The following PTPRN2 variants were observed in gnomAD, a reference collection of about 807,000 sequenced individuals.
The protein encoded by PTPRN2 is protein tyrosine phosphatase receptor type N2, also known as receptor-type tyrosine-protein phosphatase N2.
PTPRN2 carries 74 observed loss-of-function variants against 118.8 expected under a neutral mutation model. That is an observed-to-expected ratio of 0.62 (90% CI 0.52 to 0.76). PTPRN2 has a LOEUF of 0.76. Ranked by LOEUF, PTPRN2 falls within the 30% of genes least tolerant of loss-of-function variation. The probability of loss-of-function intolerance (pLI) is 0.00; values close to 1 mark genes in which losing one functional copy is unlikely to be tolerated. For synonymous variants in PTPRN2, 641 were observed against 608.0 expected (o/e 1.05, Z -0.80); for missense variants, 1,481 against 1,394.4 (o/e 1.06, Z -0.99).
chr7:157,910,705 C>CGTGTGTGTGTGT (rs34091528), intron 11 of PTPRN2, among the ~76,000 whole-genome samples: 1 of 151,170 alleles, frequency 6.6e-6, no homozygotes, highest in African/African-American at 2.4e-5. Flanking sequence ...CGGCAGGGCA[C>CGTGTGTGTGTGT]GTGTGTGTGT....
At position 158,344,287 on chromosome 7, in the gene PTPRN2, A is replaced by G. The variant is rs190552916; in HGVS notation, c.164-27355T>C. 3.4e-3 allele frequency among the ~76,000 whole-genome samples: 522 copies of G among 152,280 alleles called. 5 individuals are homozygous for G. The highest frequency in any genetic ancestry group is 6.3e-3 in the Non-Finnish European group (429 of 68,016). ...TCGGGAAGAGCTGTCTTCAGCAGGA[A>G]CAAGGCAGTTTAGTAACTAGAAGCA... On this transcript the variant is annotated intron_variant, in intron 2 of 22. Coordinates refer to ENST00000389418, the MANE Select transcript of PTPRN2 (RefSeq NM_002847.5).
intron 12 of PTPRN2, among the ~76,000 whole-genome samples, chr7:157,687,353 T>C (rs1341376671): frequency 1.3e-5 from 2 of 152,234 alleles, no homozygotes; most frequent in East Asian, 3.8e-4. Context: ...TAGCCAGATT[T>C]AGTCCTTTTC....
chr7:158,201,349 C>A (rs1826636999), intron 4 of PTPRN2, among the ~76,000 whole-genome samples: 1 of 152,226 alleles, frequency 6.6e-6, no homozygotes, highest in African/African-American at 2.4e-5. Context: ...ACCCCACAAA[C>A]CATAAATTCT....
intron 13 of PTPRN2, among the ~76,000 whole-genome samples, chr7:157,665,764 G>C (rs1048011458): frequency 5.3e-5 from 8 of 152,186 alleles, no homozygotes; most frequent in Non-Finnish European, 8.8e-5. Flanking sequence ...ACTGGATTAA[G>C]AAAATGTGGC....
chr7:157,802,471 C>T (rs891797084), intron 12 of PTPRN2, among the ~76,000 whole-genome samples: 9 of 152,344 alleles, frequency 5.9e-5, no homozygotes, highest in Non-Finnish European at 8.8e-5. Flanking sequence ...CGCTTTCCTG[C>T]CCGCTCGTCC....
intron 2 of PTPRN2, among the ~76,000 whole-genome samples, chr7:158,421,347 ATTTAT>A (rs1279831591): frequency 6.6e-6 from 1 of 152,222 alleles, no homozygotes; most frequent in Non-Finnish European, 1.5e-5. Flanking sequence ...GAGTTTTCCT[ATTTAT>A]TTTAAAGTTG....
At chr7:158,192,672 G>A (rs1239448808) in intron 4 of PTPRN2, among the ~76,000 whole-genome samples, 177 bp from the exon 5 acceptor site, 1 of 152,168 alleles carries the variant, frequency 6.6e-6, no homozygotes, top group African/African-American at 2.4e-5. Context: ...CCGAGCCTGT[G>A]TCCTGCACGA....
At chr7:158,531,012 A>G (rs1825190016) in intron 1 of PTPRN2, among the ~76,000 whole-genome samples, 1 of 152,122 alleles carries the variant, frequency 6.6e-6, no homozygotes, top group African/African-American at 2.4e-5. Flanking sequence ...GTATATGAGC[A>G]TGTGCATGGG....
chr7:157,961,960 G>A (rs1292877446), intron 11 of PTPRN2, among the ~76,000 whole-genome samples: 2 of 152,122 alleles, frequency 1.3e-5, no homozygotes, highest in Non-Finnish European at 2.9e-5. Context: ...TGGACCCGGG[G>A]TGTGTGGGAG....
intron 15 of PTPRN2, chr7:157,614,191 CA>C: frequency 2.2e-6 from 1 of 453,196 alleles, no homozygotes; most frequent in Non-Finnish European, 4.6e-6. Flanking sequence ...AGCTCAGGGC[CA>C]AGGCAGGGTT....
chr7:158,582,536 T>C (rs1368155303), intron 1 of PTPRN2, among the ~76,000 whole-genome samples: 3 of 151,674 alleles, frequency 2.0e-5, no homozygotes, highest in Non-Finnish European at 2.9e-5. Context: ...CTGGGCAACA[T>C]AGCAAGACCG....
intron 10 of PTPRN2, among the ~76,000 whole-genome samples, chr7:158,094,299 T>A (rs540030892): frequency 6.6e-6 from 1 of 151,976 alleles, no homozygotes; most frequent in Admixed American, 6.5e-5. Flanking sequence ...CCATCTGTGT[T>A]TTTTCTGTTT....
At chr7:157,890,624 A>G (rs1796742956) in intron 12 of PTPRN2, among the ~76,000 whole-genome samples, 1 of 152,370 alleles carries the variant, frequency 6.6e-6, no homozygotes, top group Admixed American at 6.5e-5. Context: ...CCTGGGCGAC[A>G]GAGCGAGACT....
At chr7:158,340,854 A>G (rs147515208) in intron 2 of PTPRN2, among the ~76,000 whole-genome samples, 1 of 16,450 alleles carries the variant, frequency 6.1e-5, no homozygotes, top group Non-Finnish European at 1.3e-4. Context: ...GAGCTGACAC[A>G]TGCAGACGTC....
intron 12 of PTPRN2, among the ~76,000 whole-genome samples, chr7:157,871,959 A>C (rs1811076779): frequency 7.4e-6 from 1 of 135,432 alleles, no homozygotes; most frequent in Non-Finnish European, 1.6e-5. Flanking sequence ...ACACATACCC[A>C]GCGCTTCCCC....
intron 6 of PTPRN2, among the ~76,000 whole-genome samples, chr7:158,146,805 C>G (rs185219742): frequency 4.6e-5 from 7 of 151,870 alleles, no homozygotes; most frequent in Admixed American, 1.3e-4. Context: ...GTTCTCACAC[C>G]AGCACAGACA....
chr7:158,487,145 G>C (rs1821091220), intron 2 of PTPRN2, among the ~76,000 whole-genome samples: 1 of 152,202 alleles, frequency 6.6e-6, no homozygotes, highest in South Asian at 2.1e-4. Context: ...CCATCATGTG[G>C]ATGGACCACG....
chr7:158,124,908 GAGAA>G (rs1358135841), intron 9 of PTPRN2, among the ~76,000 whole-genome samples: 11 of 152,252 alleles, frequency 7.2e-5, no homozygotes, highest in African/African-American at 2.7e-4. Flanking sequence ...CACGGCGGGT[GAGAA>G]AGAAAGAGCC....
At chr7:158,383,028 C>T (rs565850277) in intron 2 of PTPRN2, among the ~76,000 whole-genome samples, 12 of 152,224 alleles carry the variant, frequency 7.9e-5, no homozygotes, top group Non-Finnish European at 1.6e-4. Context: ...GTCTTACAGC[C>T]TATTGATAAA....
Sources: allele counts gnomAD v4.1 joint callset (sites outside exome capture counted in the v4.1 genomes callset), GRCh38; gene constraint gnomAD v4.1.1; transcripts MANE v1.5; gene names NCBI Gene and HGNC (gene_info 2026-07-23, HGNC 2026-07-21).